Variants in NRXN3 observed in about 807,000 individuals in gnomAD.
NRXN3 encodes neurexin III.
A neutral mutation model predicts 137.6 loss-of-function variants in NRXN3; 32 were observed. The observed-to-expected ratio is 0.23, with a 90% confidence interval of 0.18 to 0.31. The LOEUF (loss-of-function observed/expected upper bound fraction) is 0.31. Among genes scored for constraint, NRXN3 ranks in the 10% least tolerant of loss-of-function variants. The probability of loss-of-function intolerance (pLI) is 1.00; values close to 1 mark genes in which losing one functional copy is unlikely to be tolerated. For synonymous variants in NRXN3, 798 were observed against 784.5 expected (o/e 1.02, Z -0.29); for missense variants, 1,574 against 2,062.5 (o/e 0.76, Z 4.59).
chr14:78,956,181 A>G (rs1235778495), intron 10 of NRXN3, among the ~76,000 whole-genome samples: 3 of 152,156 alleles, frequency 2.0e-5, no homozygotes, highest in Admixed American at 6.5e-5. Context: ...CTAATCCAAA[A>G]ATATTTAATC....
intron 19 of NRXN3, among the ~76,000 whole-genome samples, chr14:79,717,081 G>A (rs2098826241): frequency 6.6e-6 from 1 of 152,172 alleles, no homozygotes; most frequent in Admixed American, 6.5e-5. Context: ...TCTCCTGGGT[G>A]TGGAGAGATG....
intron 1 of NRXN3, among the ~76,000 whole-genome samples, chr14:78,225,981 GTGTGTGT>G (rs1567013634): frequency 9.5e-5 from 12 of 125,658 alleles, no homozygotes; most frequent in African/African-American, 3.1e-4. Context: ...GTTGGTGTGT[GTGTGTGT>G]GTGTGTGTGT....
At chr14:78,794,713 T>C (rs919793003) in intron 8 of NRXN3, among the ~76,000 whole-genome samples, 1 of 152,020 alleles carries the variant, frequency 6.6e-6, no homozygotes, top group African/African-American at 2.4e-5. Context: ...TTGAAAAGCT[T>C]AATTTTTTTC....
In NRXN3 at chr14:79,617,917, C is replaced by CAAAAAAAAAAAAAAAAA. The variant is rs1162153685; in HGVS notation, c.3445-45846_3445-45845insAAAAAAAAAAAAAAAAA. On this transcript the variant is annotated intron_variant, in intron 16 of 20. Transcript: ENST00000335750. ...TTCAGAGATAGGAGCTGAATAGCAGCAAAAAAAAAAAAAAACATGCTTATG... is the reference window on the plus strand; with the variant it reads ...TTCAGAGATAGGAGCTGAATAGCAGCAAAAAAAAAAAAAAAAAAAAAAAAAAAAAAAACATGCTTATG... 1.4e-3 allele frequency among the ~76,000 whole-genome samples: 126 copies of CAAAAAAAAAAAAAAAAA among 91,270 alleles called. 9 individuals carry two copies. The highest frequency in any genetic ancestry group is 4.9e-3 in the South Asian group (14 of 2,872). 59.9% of individuals were successfully genotyped at this position (91,270 alleles called of 152,430 possible).
intron 4 of NRXN3, among the ~76,000 whole-genome samples, chr14:78,372,468 G>A (rs1443805904): frequency 6.6e-6 from 1 of 152,000 alleles, no homozygotes. Flanking sequence ...GGGATCACAG[G>A]CACCCACCAC....
intron 16 of NRXN3, among the ~76,000 whole-genome samples, chr14:79,559,024 T>C (rs1330941124): frequency 6.6e-6 from 1 of 152,128 alleles, no homozygotes; most frequent in Non-Finnish European, 1.5e-5. Context: ...CTTCTTAGCC[T>C]TCATAGACTT....
intron 17 of NRXN3, among the ~76,000 whole-genome samples, chr14:79,671,048 A>G (rs1245355225): frequency 2.0e-5 from 3 of 152,110 alleles, no homozygotes; most frequent in Admixed American, 1.3e-4. Flanking sequence ...TCTCAGCCAA[A>G]CTCACCCAGG....
intron 16 of NRXN3, among the ~76,000 whole-genome samples, chr14:79,581,732 T>A (rs2097718200): frequency 6.6e-6 from 1 of 152,216 alleles, no homozygotes; most frequent in Non-Finnish European, 1.5e-5. Flanking sequence ...ACTAACTGGA[T>A]GGTTAGTTTT....
chr14:78,602,855 T>C (rs896133354), intron 4 of NRXN3, among the ~76,000 whole-genome samples: 2 of 152,138 alleles, frequency 1.3e-5, no homozygotes, highest in Non-Finnish European at 2.9e-5. Flanking sequence ...GAGAGATGCC[T>C]TGAGAATGAC....
At position 79,740,713 on chromosome 14, in the gene NRXN3, TA is replaced by T. The variant is rs1170717037; in HGVS notation, c.4014+42777del. ...CCACTGGACTTTGCATTTAGTTTTT[TA>T]TATATATATATATATATATATATAT... On this transcript the variant is annotated intron_variant, in intron 19 of 20. Transcript: ENST00000335750. 4.4e-3 allele frequency among the ~76,000 whole-genome samples: 27 copies of T among 6,072 alleles called. 1 individual carries two copies. The highest frequency in any genetic ancestry group is 8.9e-3 in the East Asian group (2 of 224). 4.0% of individuals were successfully genotyped at this position (6,072 alleles called of 152,430 possible).
chr14:79,521,441 C>T (rs1234531946), intron 16 of NRXN3, among the ~76,000 whole-genome samples: 1 of 152,118 alleles, frequency 6.6e-6, no homozygotes, highest in Non-Finnish European at 1.5e-5. Flanking sequence ...ACAATCTTGT[C>T]TTCTCCTCTC....
intron 19 of NRXN3, among the ~76,000 whole-genome samples, chr14:79,720,109 G>A (rs976097956): frequency 3.9e-5 from 6 of 152,084 alleles, no homozygotes; most frequent in African/African-American, 1.4e-4. Flanking sequence ...AGGTTTAATA[G>A]ACTCAGAGTT....
intron 1 of NRXN3, among the ~76,000 whole-genome samples, chr14:78,182,394 G>T (rs1307942512): frequency 6.6e-6 from 1 of 151,964 alleles, no homozygotes; most frequent in Non-Finnish European, 1.5e-5. Flanking sequence ...AAAAAACAGA[G>T]AAATTAGGAA....
chr14:79,386,399 G>T (rs892961364), intron 15 of NRXN3, among the ~76,000 whole-genome samples: 1 of 152,118 alleles, frequency 6.6e-6, no homozygotes, highest in African/African-American at 2.4e-5. Context: ...TACAAGGGAT[G>T]TGAAGGACCT....
intron 4 of NRXN3, among the ~76,000 whole-genome samples, chr14:78,559,797 G>T (rs1392192782): frequency 6.6e-6 from 1 of 152,242 alleles, no homozygotes; most frequent in South Asian, 2.1e-4. Context: ...TCTTAGATGG[G>T]ATGCTGATTG....
At chr14:79,114,428 A>G (rs1230300921) in intron 15 of NRXN3, among the ~76,000 whole-genome samples, 1 of 152,156 alleles carries the variant, frequency 6.6e-6, no homozygotes, top group African/African-American at 2.4e-5. Context: ...TAGCACAATC[A>G]TAGCTCACTG....
At chr14:79,258,774 CT>C (rs1306481076) in intron 15 of NRXN3, among the ~76,000 whole-genome samples, 1 of 152,192 alleles carries the variant, frequency 6.6e-6, no homozygotes, top group Non-Finnish European at 1.5e-5. Flanking sequence ...TCAATTCCTC[CT>C]AGTGTCTCTT....
chr14:79,588,126 T>C (rs76259054), intron 16 of NRXN3, among the ~76,000 whole-genome samples: 3,089 of 152,268 alleles, frequency 0.02, 45 homozygotes, highest in Middle Eastern at 0.061. Flanking sequence ...CCAATTCTAT[T>C]ATAGAAGTGG....
chr14:78,238,964 G>C (rs2066716709), intron 1 of NRXN3, among the ~76,000 whole-genome samples: 1 of 152,248 alleles, frequency 6.6e-6, no homozygotes, highest in South Asian at 2.1e-4. Flanking sequence ...GGTTTCCTCA[G>C]GTCACTAAGC....
Sources: gnomAD v4.1 joint callset for allele counts (sites outside exome capture counted in the v4.1 genomes callset) on GRCh38, gnomAD v4.1.1 for gene constraint, MANE v1.5 for transcripts, NCBI Gene and HGNC (gene_info 2026-07-23, HGNC 2026-07-21) for gene names.